EPC1: variants seen among roughly 807,000 people sequenced by gnomAD.
EPC1 encodes the protein enhancer of polycomb homolog 1.
Under a neutral mutation model 98.4 loss-of-function variants are expected in EPC1, and 12 were observed. The ratio of observed to expected loss-of-function variants is 0.12; its 90% confidence interval spans 0.08 to 0.20. The LOEUF (loss-of-function observed/expected upper bound fraction) is 0.20, where lower values mean the gene tolerates loss of function less well. EPC1 is among the 10% of genes least tolerant of loss of function. EPC1 has a pLI of 1.00. For synonymous variants in EPC1, 357 were observed against 363.9 expected, an observed-to-expected ratio of 0.98 and a Z score of 0.21; for missense variants, 729 against 990.5, an observed-to-expected ratio of 0.74 and a Z score of 3.54.
At chr10:32,319,792 TCA>T (rs1564544641) in intron 1 of EPC1, among the ~76,000 whole-genome samples, 1 of 152,160 alleles carries the variant, frequency 6.6e-6, no homozygotes, top group African/African-American at 2.4e-5. Context: ...CTCTCCTGCC[TCA>T]GCTCCCGAGT....
chr10:32,308,933 A>C (rs768124394), intron 1 of EPC1, among the ~76,000 whole-genome samples: 9 of 152,224 alleles, frequency 5.9e-5, no homozygotes, highest in Non-Finnish European at 1.3e-4. Context: ...ACTACACACA[A>C]TGGAATATTA....
chr10:32,366,963 A>G (rs933433977), intron 1 of EPC1, among the ~76,000 whole-genome samples: 23 of 149,342 alleles, frequency 1.5e-4, no homozygotes, highest in African/African-American at 4.9e-4. Context: ...ATCACTAACC[A>G]TCCAAACTAT....
intron 1 of EPC1, among the ~76,000 whole-genome samples, chr10:32,340,277 A>G (rs1838254438): frequency 6.6e-6 from 1 of 152,202 alleles, no homozygotes; most frequent in South Asian, 2.1e-4. Context: ...TCAAAGCTAC[A>G]CCTCAGATAA....
Position 32,338,340 on chromosome 10 carries a change from T to C in EPC1, c.153+8423A>G, listed in dbSNP as rs549312226. Among the ~76,000 whole-genome samples, 14 of 152,294 alleles carry C rather than the reference T, an allele frequency of 9.2e-5. No individual in the cohort carries two copies. The South Asian group carries it at 2.9e-3, about 32-fold the overall frequency. On this transcript the variant is annotated intron_variant, in intron 1 of 13. Coordinates refer to ENST00000319778, the MANE Select transcript of EPC1 (RefSeq NM_001272004.3). ...TCAAATCCATCCATTTCTCTTCATT[T>C]CCACTAGCACCAACCCTACTTAAAG...
intron 1 of EPC1, among the ~76,000 whole-genome samples, chr10:32,321,819 G>A (rs1316287871): frequency 6.6e-6 from 1 of 151,648 alleles, no homozygotes; most frequent in African/African-American, 2.4e-5. Context: ...GTCTTCTTCT[G>A]CCTTCCCCAT....
rs747676451 is a variant in EPC1 at position 32,285,023 on chromosome 10, G to A, written c.1419C>T (p.Asp473=). 1.9e-6 allele frequency: 3 copies of A among 1,613,992 alleles called. No individual in the cohort carries two copies. Among genetic ancestry groups the A allele is most frequent in the Non-Finnish European group, 2.5e-6 (3 of 1,179,954 alleles). ...GRVLLDRAHS[D]YDSVFHHLDL... is the part of the protein sequence containing the mutation. The stretch of plus-strand genomic sequence containing the variant: ...CCAGATGGTGAAACACACTGTCATA[G>A]TCTGAATGAGCTCTGTCCAGTAAGA... The change falls in exon 10 of 14, where the codon GAC becomes GAT. Residue 473 remains aspartate (D), a synonymous_variant. Coordinates refer to ENST00000319778, the MANE Select transcript of EPC1 (RefSeq NM_001272004.3).
At chr10:32,344,611 C>T (rs1838627733) in intron 1 of EPC1, among the ~76,000 whole-genome samples, 1 of 150,188 alleles carries the variant, frequency 6.7e-6, no homozygotes, top group Admixed American at 6.6e-5. Context: ...CATGGCAAAA[C>T]CCCGTCTCTG....
At chr10:32,330,885 GAAC>G (rs1442887738) in intron 1 of EPC1, among the ~76,000 whole-genome samples, 1 of 151,980 alleles carries the variant, frequency 6.6e-6, no homozygotes, top group Admixed American at 6.6e-5. Context: ...CAAAAAAGCG[GAAC>G]AAAATGTTTG....
chr10:32,290,517 G>GAAAT (rs1836951210), intron 6 of EPC1, among the ~76,000 whole-genome samples: 1 of 113,744 alleles, frequency 8.8e-6, no homozygotes, highest in Non-Finnish European at 1.9e-5. Context: ...AAGAAAGAAA[G>GAAAT]AAAAACTCAT....
chr10:32,377,951 T>C (rs950109323), intron 1 of EPC1, among the ~76,000 whole-genome samples: 1 of 152,170 alleles, frequency 6.6e-6, no homozygotes, highest in African/African-American at 2.4e-5. Context: ...TGAGATCTGA[T>C]CAGCAAATAA....
chr10:32,346,664 G>A (rs1838844616), intron 1 of EPC1, 99 bp downstream of exon 1: 1 of 1,187,106 alleles, frequency 8.4e-7, no homozygotes, highest in Non-Finnish European at 1.2e-6. Flanking sequence ...GCGAAGAGAA[G>A]ATGGCGGCCA....
At chr10:32,300,440 T>G (rs1835442430) in intron 2 of EPC1, among the ~76,000 whole-genome samples, 1 of 151,404 alleles carries the variant, frequency 6.6e-6, no homozygotes, top group South Asian at 2.1e-4. Flanking sequence ...AACTCTTTTT[T>G]TTTTTTTTCC....
intron 1 of EPC1, among the ~76,000 whole-genome samples, chr10:32,372,143 G>A (rs889254312): frequency 1.1e-4 from 17 of 152,158 alleles, no homozygotes; most frequent in Admixed American, 5.2e-4. Context: ...TGGACCAACA[G>A]CATCTCATCA....
chr10:32,295,924 CT>C (rs781302480), intron 2 of EPC1, among the ~76,000 whole-genome samples: 305 of 142,250 alleles, frequency 2.1e-3, no homozygotes, highest in Admixed American at 3.8e-3. Context: ...TCTCAATGTT[CT>C]TTTTTTTTTT....
intron 1 of EPC1, among the ~76,000 whole-genome samples, chr10:32,358,151 AG>A (rs1839335328): frequency 6.6e-6 from 1 of 152,118 alleles, no homozygotes; most frequent in Non-Finnish European, 1.5e-5. Flanking sequence ...CATCACGCCC[AG>A]GCTACTTCTC....
chr10:32,292,824 A>G (rs1834927381), intron 4 of EPC1, among the ~76,000 whole-genome samples, 164 bp downstream of exon 4: 2 of 152,188 alleles, frequency 1.3e-5, no homozygotes, highest in African/African-American at 4.8e-5. Context: ...ACATTAAAAT[A>G]TAACATTAAT....
At chr10:32,342,079 G>C (rs941265487) in intron 1 of EPC1, among the ~76,000 whole-genome samples, 1 of 151,684 alleles carries the variant, frequency 6.6e-6, no homozygotes, top group East Asian at 1.9e-4. Flanking sequence ...AATTCTCTTT[G>C]ATTTTATCTG....
intron 2 of EPC1, among the ~76,000 whole-genome samples, chr10:32,294,137 AT>A (rs1234232342): frequency 2.0e-5 from 3 of 152,226 alleles, no homozygotes; most frequent in South Asian, 4.2e-4. Flanking sequence ...GGCCTTTAAG[AT>A]TTTTTTCTAT....
chr10:32,367,036 T>C (rs1195205275), intron 1 of EPC1, among the ~76,000 whole-genome samples: 1 of 152,188 alleles, frequency 6.6e-6, no homozygotes, highest in Non-Finnish European at 1.5e-5. Context: ...TGCTCTGTTG[T>C]CCAGGCTTGA....
Sources: allele counts gnomAD v4.1 joint callset (sites outside exome capture counted in the v4.1 genomes callset), GRCh38; gene constraint gnomAD v4.1.1; transcripts MANE v1.5; gene names NCBI Gene and HGNC (gene_info 2026-07-23, HGNC 2026-07-21).